The following VCAM1 variants were observed in gnomAD, a reference collection of about 807,000 sequenced individuals.
The protein encoded by VCAM1 is vascular cell adhesion molecule 1, also known as vascular cell adhesion protein 1.
In VCAM1, 41 loss-of-function variants were observed where a neutral mutation model predicts 63.8. The ratio of observed to expected loss-of-function variants is 0.64; its 90% CI spans 0.50 to 0.83. VCAM1 has a LOEUF of 0.83. Among genes scored for constraint, VCAM1 ranks in the 40% least tolerant of loss-of-function variants. The probability of loss-of-function intolerance (pLI) is 0.00; values close to 1 mark genes in which losing one functional copy is unlikely to be tolerated. For synonymous variants in VCAM1, 338 were observed against 320.7 expected (o/e 1.05, Z -0.58); for missense variants, 798 against 875.5 (o/e 0.91, Z 1.12).
At chr1:100,722,725 A>G (rs1258793712) in intron 2 of VCAM1, among the ~76,000 whole-genome samples, 2 of 152,202 alleles carry the variant, frequency 1.3e-5, no homozygotes, top group South Asian at 2.1e-4. Flanking sequence ...TAGCACAGTG[A>G]CAGCCACATG....
At chr1:100,727,119 A>G (rs1211628007) in intron 4 of VCAM1, among the ~76,000 whole-genome samples, 2 of 151,600 alleles carry the variant, frequency 1.3e-5, no homozygotes, top group East Asian at 1.9e-4. Context: ...CACATAATAA[A>G]TGTTCAGTAA....
chr1:100,727,266 C>T (rs1660199475), intron 4 of VCAM1, among the ~76,000 whole-genome samples: 3 of 152,032 alleles, frequency 2.0e-5, no homozygotes. Flanking sequence ...CCCTAGCTGC[C>T]TGAGTAGCTG....
intron 2 of VCAM1, 103 bp from the exon 3 acceptor site, chr1:100,722,917 A>G: frequency 3.8e-6 from 5 of 1,299,996 alleles, no homozygotes; most frequent in East Asian, 2.5e-5. Context: ...TTAAGACTGT[A>G]TTAACAAAAA....
chr1:100,719,799 A>C lies in VCAM1; in HGVS notation c.-62A>C, dbSNP rs1209430234. 2.5e-5 allele frequency: 39 copies of C among 1,569,696 alleles called. No homozygotes were observed. Among genetic ancestry groups the C allele is most frequent in the Non-Finnish European group, 9.6e-6 (11 of 1,146,612 alleles). ...GAGCTGAATACCCTCCCAGGCACAC[A>C]CAGGTGGGACACAAATAAGGGTTTT... On this transcript the variant is annotated 5_prime_UTR_variant, in exon 1 of 9. Transcript: ENST00000294728.
chr1:100,731,352 G>A lies in VCAM1; in HGVS notation c.1359G>A (p.Leu453=), dbSNP rs1660447630. The A allele has an allele frequency of 2.5e-6, 4 of 1,613,600 alleles. No homozygotes were observed. In the African/African-American group the frequency reaches 5.3e-5, roughly 22 times the overall value. Residue 453 remains leucine, a synonymous_variant, in exon 6 of 9, where the codon TTG becomes TTA. Coordinates refer to ENST00000294728, the MANE Select transcript of VCAM1 (RefSeq NM_001078.4). This position sits in a 1 kb window ranked among gnomAD's most constrained non-coding sequence, Gnocchi z 4.2. ...CTATTCTGGAGAATATAGAGTTTTTGGAGGATACGGATATGAAATCTCTAG... is the reference window on the plus strand; with the variant it reads ...CTATTCTGGAGAATATAGAGTTTTTAGAGGATACGGATATGAAATCTCTAG... ...GETILENIEF[L]EDTDMKSLEN... is the part of the protein sequence containing the mutation.
At position 100,731,169 on chromosome 1, in the gene VCAM1, T is replaced by C. The variant is rs1386458043; in HGVS notation, c.1205-29T>C. ...TCAATTTTTCCTTGAATATCAAGAA[T>C]AAAAATCGTTTTTGCTTGCGATTTG... On this transcript the variant is annotated intron_variant, in intron 5 of 8. Transcript: ENST00000294728. This position sits in a 1 kb window ranked among gnomAD's most constrained non-coding sequence, Gnocchi z 4.2. 6.4e-7 allele frequency: 1 copy of C among 1,560,662 alleles called. No homozygotes were observed. Among genetic ancestry groups the C allele is most frequent in the South Asian group, 1.2e-5 (1 of 82,256 alleles).
At position 100,732,640 on chromosome 1, in the gene VCAM1, A is replaced by G; in HGVS notation, c.1748A>G (p.Asn583Ser). 1 of 1,609,346 alleles carries G rather than the reference A, an allele frequency of 6.2e-7. No individual in the cohort carries two copies. Among genetic ancestry groups the G allele is most frequent in the Non-Finnish European group, 8.5e-7 (1 of 1,178,406 alleles). Residue 583 changes from asparagine to serine, a missense_variant, in exon 7 of 9, where the codon AAC (asparagine) becomes AGC (serine). By Grantham distance (46) the Asn-to-Ser change is conservative. Coordinates refer to ENST00000294728, the MANE Select transcript of VCAM1 (RefSeq NM_001078.4). ...DSGVYLCEGI[N>S]QAGRSRKEVE... ...GGGGTTTATTTATGTGAAGGAATTA[A>G]CCAGGCTGGAAGAAGCAGAAAGGAA...
intron 2 of VCAM1, 23 bp downstream of exon 2, chr1:100,720,774 G>T: frequency 6.4e-7 from 1 of 1,557,202 alleles, no homozygotes; most frequent in Non-Finnish European, 8.7e-7. Flanking sequence ...GAAAATCTTT[G>T]TTTTTCTCTC....
chr1:100,730,722 C>A (rs991318751), intron 5 of VCAM1, among the ~76,000 whole-genome samples: 1 of 152,030 alleles, frequency 6.6e-6, no homozygotes, highest in Non-Finnish European at 1.5e-5. Flanking sequence ...AGTCTCTTAG[C>A]CTCTATATGT....
intron 2 of VCAM1, among the ~76,000 whole-genome samples, chr1:100,720,979 A>G (rs1443230467): frequency 2.6e-5 from 4 of 152,066 alleles, no homozygotes; most frequent in Admixed American, 6.6e-5. Context: ...GTGACCATGT[A>G]TAAGACTCAA....
At chr1:100,727,735 T>A (rs771428626) in intron 4 of VCAM1, among the ~76,000 whole-genome samples, 1 of 152,094 alleles carries the variant, frequency 6.6e-6, no homozygotes, top group Admixed American at 6.6e-5. Context: ...GATCTGTTTT[T>A]TAAAGTTCCT....
In VCAM1 at chr1:100,731,591, T is replaced by C. The variant is rs1660459867; in HGVS notation, c.1525+73T>C. On this transcript the variant is annotated intron_variant, in intron 6 of 8. Coordinates refer to ENST00000294728, the MANE Select transcript of VCAM1 (RefSeq NM_001078.4). This position sits in a 1 kb window ranked among gnomAD's most constrained non-coding sequence, Gnocchi z 4.2. ...CGTGTTTGCCAGGCAATAGTTAACA[T>C]AAGGTTAATCGTTAAAACCTCTGTG... 7.2e-7 allele frequency: 1 copy of C among 1,395,906 alleles called. No homozygotes were observed. Among genetic ancestry groups the C allele is most frequent in the Non-Finnish European group, 9.8e-7 (1 of 1,024,870 alleles). The allele number at this position is 1,395,906 out of a possible 1,614,324, so 86.5% of individuals were successfully genotyped here. A position where few individuals can be genotyped will look rare whatever the true frequency, so the allele number is the denominator to read the frequency against.
chr1:100,738,204 G>C lies in VCAM1; in HGVS notation c.2141G>C (p.Gly714Ala), dbSNP rs759623061. 1 of 1,613,802 alleles carries C rather than the reference G, an allele frequency of 6.2e-7. No homozygotes were observed. Among genetic ancestry groups the C allele is most frequent in the South Asian group, 1.1e-5 (1 of 91,050 alleles). Residue 714 changes from glycine (G) to alanine (A), a missense_variant, in exon 9 of 9, where the codon GGA (glycine) becomes GCA (alanine). Transcript: ENST00000294728. ...FASSLIIPAI[G>A]MIIYFARKAN... ...TCCTCCTTAATAATACCTGCCATTG[G>C]AATGATAATTTACTTTGCAAGAAAA...
rs1431307407 is a variant in VCAM1 at position 100,738,162 on chromosome 1, T to C, written c.2099T>C (p.Leu700Pro). Residue 700 changes from leucine (L) to proline (P), a missense_variant, in exon 9 of 9, where the codon CTC (leucine) becomes CCC (proline). Physicochemically the swap from Leu to Pro is moderately conservative, Grantham distance 98. Transcript: ENST00000294728. ...NNKDYFSPEL[L>P]VLYFASSLII... ...AAAGACTATTTTTCTCCTGAGCTTC[T>C]CGTGCTCTATTTTGCATCCTCCTTA... The C allele has an allele frequency of 6.2e-7, 1 of 1,613,626 alleles. No homozygotes were observed. Among genetic ancestry groups the C allele is most frequent in the Non-Finnish European group, 8.5e-7 (1 of 1,179,770 alleles).
rs773685518 is a variant in VCAM1 at position 100,723,060 on chromosome 1, G to A, written c.381G>A (p.Leu127=). 2 of 1,612,544 alleles carry A rather than the reference G, an allele frequency of 1.2e-6. No homozygotes were observed. Among genetic ancestry groups the A allele is most frequent in the Non-Finnish European group, 1.7e-6 (2 of 1,179,310 alleles). ...CAGAGATTCATTTGAGTGGCCCTCT[G>A]GAGGCTGGGAAGCCGATCACAGTCA... ...KDPEIHLSGP[L]EAGKPITVKC... Residue 127 remains leucine, a synonymous_variant, in exon 3 of 9, where the codon CTG becomes CTA. Transcript: ENST00000294728.
Position 100,731,377 on chromosome 1 carries a change from G to C in VCAM1, c.1384G>C (p.Glu462Gln). The change falls in exon 6 of 9, where the codon GAG becomes CAG. Residue 462 changes from glutamate to glutamine, a missense_variant. Physicochemically the swap from Glu to Gln is conservative, Grantham distance 29. Coordinates refer to ENST00000294728, the MANE Select transcript of VCAM1 (RefSeq NM_001078.4). This position sits in a 1 kb window ranked among gnomAD's most constrained non-coding sequence, Gnocchi z 4.2. ...GGAGGATACGGATATGAAATCTCTA[G>C]AGAACAAAAGTTTGGAAATGACCTT... is the stretch of plus-strand genomic sequence containing the variant. ...FLEDTDMKSL[E>Q]NKSLEMTFIP... The C allele has an allele frequency of 6.2e-7, 1 of 1,613,804 alleles. No individual in the cohort carries two copies. Among genetic ancestry groups the C allele is most frequent in the Non-Finnish European group, 8.5e-7 (1 of 1,179,850 alleles).
chr1:100,720,569 A>G lies in VCAM1; in HGVS notation c.158A>G (p.Glu53Gly), dbSNP rs761120366. The change falls in exon 2 of 9, where the codon GAG becomes GGG. Residue 53 changes from glutamate to glycine, a missense_variant. Transcript: ENST00000294728. ...TTGACTTGCAGCACCACAGGCTGTG[A>G]GTCCCCATTTTTCTCTTGGAGAACC... ...VSLTCSTTGC[E>G]SPFFSWRTQI... 1.2e-6 allele frequency: 2 copies of G among 1,613,318 alleles called. No homozygotes were observed. Among genetic ancestry groups the G allele is most frequent in the Non-Finnish European group, 1.7e-6 (2 of 1,179,546 alleles).
At position 100,723,075 on chromosome 1, in the gene VCAM1, G is replaced by T; in HGVS notation, c.396G>T (p.Pro132=). ...HLSGPLEAGK[P]ITVKCSVADV... ...GTGGCCCTCTGGAGGCTGGGAAGCC[G>T]ATCACAGTCAAGTGTTCAGTTGCTG... is the stretch of plus-strand genomic sequence containing the variant. Residue 132 remains proline (P), a synonymous_variant, in exon 3 of 9, where the codon CCG becomes CCT. Transcript: ENST00000294728. 3 of 1,612,766 alleles carry T rather than the reference G, an allele frequency of 1.9e-6. No homozygotes were observed. Among genetic ancestry groups the T allele is most frequent in the South Asian group, 1.1e-5 (1 of 91,016 alleles).
chr1:100,737,421 G>T (rs1660695957), intron 8 of VCAM1: 1 of 152,004 alleles, frequency 6.6e-6, no homozygotes, highest in African/African-American at 2.4e-5. Context: ...ATATATTGAG[G>T]TTCTTAATTT....
Sources: allele counts gnomAD v4.1 joint callset (sites outside exome capture counted in the v4.1 genomes callset), GRCh38; gene constraint gnomAD v4.1.1; non-coding constraint Gnocchi (gnomAD v3.1); transcripts MANE v1.5; gene names NCBI Gene and HGNC (gene_info 2026-07-23, HGNC 2026-07-21).